Variants in ELP3 observed in about 807,000 individuals in gnomAD.
The protein encoded by ELP3 is elongator complex protein 3.
A neutral mutation model predicts 74.9 loss-of-function variants in ELP3; 56 were observed. The observed-to-expected ratio is 0.75, with a 90% CI of 0.60 to 0.93. ELP3 has a LOEUF of 0.93. Ranked by LOEUF, ELP3 falls within the 40% of genes least tolerant of loss-of-function variation. The probability of loss-of-function intolerance (pLI) is 0.00; values close to 1 mark genes in which losing one functional copy is unlikely to be tolerated. For synonymous variants in ELP3, 222 were observed against 239.8 expected (o/e 0.93, Z 0.68); for missense variants, 573 against 686.5 (o/e 0.83, Z 1.85).
chr8:28,185,796 G>C (rs567830346), intron 14 of ELP3, among the ~76,000 whole-genome samples: 1 of 152,314 alleles, frequency 6.6e-6, no homozygotes, highest in Non-Finnish European at 1.5e-5. Flanking sequence ...TAAAGTTGAA[G>C]GGTCTGGGCA....
intron 14 of ELP3, among the ~76,000 whole-genome samples, chr8:28,166,298 A>T (rs934188683): frequency 1.3e-5 from 2 of 152,166 alleles, no homozygotes; most frequent in African/African-American, 4.8e-5. Context: ...TTAGTTCATA[A>T]CTCAAGATTA....
intron 14 of ELP3, among the ~76,000 whole-genome samples, chr8:28,183,955 G>A (rs1337027306): frequency 6.6e-6 from 1 of 152,214 alleles, no homozygotes; most frequent in Admixed American, 6.5e-5. Context: ...GTCCAGGAGG[G>A]TGGCTGACGT....
At chr8:28,095,011 C>T (rs1245790599) in intron 1 of ELP3, among the ~76,000 whole-genome samples, 2 of 152,184 alleles carry the variant, frequency 1.3e-5, no homozygotes, top group Admixed American at 1.3e-4. Context: ...CTGTCTGTTG[C>T]ATTCCATTTC....
chr8:28,092,202 C>T (rs1476640850), upstream of ELP3, among the ~76,000 whole-genome samples: 1 of 151,490 alleles, frequency 6.6e-6, no homozygotes, highest in Non-Finnish European at 1.5e-5. Context: ...GCAGTTTTTG[C>T]GTGACTCAGT....
At chr8:28,097,589 G>C (rs1041318592) in intron 2 of ELP3, among the ~76,000 whole-genome samples, 1 of 151,964 alleles carries the variant, frequency 6.6e-6, no homozygotes, top group Non-Finnish European at 1.5e-5. Flanking sequence ...GTAGAGACGG[G>C]GTTTCACCGT....
chr8:28,160,708 T>G (rs1380707652), intron 13 of ELP3, among the ~76,000 whole-genome samples: 2 of 152,136 alleles, frequency 1.3e-5, no homozygotes, highest in African/African-American at 4.8e-5. Context: ...GAATTGGTTT[T>G]TTTTGAGACA....
At chr8:28,189,628 T>G in intron 14 of ELP3, 21 bp from the exon 15 acceptor site, 1 of 1,613,834 alleles carries the variant, frequency 6.2e-7, no homozygotes, top group Non-Finnish European at 8.5e-7. Context: ...TGCTCCTTTT[T>G]TAACTTCGAT....
intron 3 of ELP3, among the ~76,000 whole-genome samples, chr8:28,101,566 A>G (rs1312739382): frequency 6.6e-6 from 1 of 151,424 alleles, no homozygotes; most frequent in East Asian, 1.9e-4. Flanking sequence ...AACATTCTTT[A>G]CATAATAGAT....
intron 10 of ELP3, among the ~76,000 whole-genome samples, chr8:28,144,553 G>A (rs1813360129): frequency 6.6e-6 from 1 of 152,222 alleles, no homozygotes; most frequent in Non-Finnish European, 1.5e-5. Context: ...CTGGGAGGTT[G>A]AGGCTGCAAT....
At chr8:28,129,404 C>A in intron 7 of ELP3, 98 bp from the exon 8 acceptor site, 1 of 1,273,356 alleles carries the variant, frequency 7.9e-7, no homozygotes, top group Non-Finnish European at 1.1e-6. Context: ...CTCTTTACCA[C>A]TATCTCATAC....
chr8:28,175,687 T>G (rs1053388634), intron 14 of ELP3, among the ~76,000 whole-genome samples: 2 of 152,176 alleles, frequency 1.3e-5, no homozygotes, highest in Non-Finnish European at 2.9e-5. Context: ...CTTTGTATGC[T>G]TTACAATTTT....
intron 14 of ELP3, among the ~76,000 whole-genome samples, chr8:28,186,035 GGA>G (rs1481436165): frequency 6.6e-6 from 1 of 152,158 alleles, no homozygotes; most frequent in East Asian, 1.9e-4. Flanking sequence ...TACCCAACAT[GGA>G]TGAACCTTGA....
chr8:28,115,883 C>T (rs1812110823), intron 7 of ELP3, among the ~76,000 whole-genome samples: 1 of 152,134 alleles, frequency 6.6e-6, no homozygotes, highest in Non-Finnish European at 1.5e-5. Context: ...TCAGGCTTTT[C>T]TCTGGCTTCT....
chr8:28,154,567 T>C (rs764755233), intron 10 of ELP3, among the ~76,000 whole-genome samples: 14 of 152,162 alleles, frequency 9.2e-5, no homozygotes, highest in Admixed American at 1.3e-4. Context: ...GTGAGTTCTT[T>C]ATAAATTATT....
At chr8:28,148,601 A>G (rs1813521667) in intron 10 of ELP3, among the ~76,000 whole-genome samples, 2 of 152,196 alleles carry the variant, frequency 1.3e-5, no homozygotes, top group African/African-American at 4.8e-5. Flanking sequence ...CAAGTTGAGG[A>G]AGTTCCCCTT....
chr8:28,151,445 C>T (rs754397035), intron 10 of ELP3, among the ~76,000 whole-genome samples: 1 of 152,198 alleles, frequency 6.6e-6, no homozygotes, highest in Non-Finnish European at 1.5e-5. Context: ...GTTCCTTATT[C>T]TTGCTCTGTC....
intron 10 of ELP3, among the ~76,000 whole-genome samples, chr8:28,138,435 A>G (rs1001141726): frequency 2.0e-5 from 3 of 152,220 alleles, no homozygotes; most frequent in Non-Finnish European, 2.9e-5. Flanking sequence ...TTATCTACCT[A>G]TTTATACTTA....
Position 28,097,284 on chromosome 8 carries a change from G to A in ELP3, c.85G>A (p.Ala29Thr). The change falls in exon 2 of 15, where the codon GCC becomes ACC. Residue 29 changes from alanine (A) to threonine (T), a missense_variant. Ala to Thr is a moderately conservative substitution (Grantham distance 58). Coordinates refer to ENST00000256398, the MANE Select transcript of ELP3 (RefSeq NM_018091.6). ...IGDVIKQLIE[A>T]HEQGKDIDLN... ...AGATGTTATTAAACAACTGATTGAA[G>A]CCCACGAGCAGGGGAAAGACATCGA... 1 of 1,613,912 alleles carries A rather than the reference G, an allele frequency of 6.2e-7. No homozygotes were observed. Among genetic ancestry groups the A allele is most frequent in the Non-Finnish European group, 8.5e-7 (1 of 1,179,868 alleles).
intron 1 of ELP3, among the ~76,000 whole-genome samples, chr8:28,095,593 ATTG>A (rs1452241472): frequency 6.6e-6 from 1 of 152,146 alleles, no homozygotes; most frequent in Non-Finnish European, 1.5e-5. Context: ...TCTCTCAAAA[ATTG>A]TTGTGTATAT....
Sources: allele counts gnomAD v4.1 joint callset (sites outside exome capture counted in the v4.1 genomes callset), GRCh38; gene constraint gnomAD v4.1.1; transcripts MANE v1.5; gene names NCBI Gene and HGNC (gene_info 2026-07-23, HGNC 2026-07-21).